EEF1D: variants seen among roughly 807,000 people sequenced by gnomAD.
EEF1D encodes the protein elongation factor 1-delta.
In EEF1D, 47 loss-of-function variants were observed where a neutral mutation model predicts 63.9. The ratio of observed to expected loss-of-function variants is 0.74; its 90% CI spans 0.58 to 0.94. EEF1D has a LOEUF of 0.94. Among genes scored for constraint, EEF1D ranks in the 40% least tolerant of loss-of-function variants. The pLI, the probability that EEF1D is intolerant of heterozygous loss-of-function variation, is 0.00. For synonymous variants in EEF1D, 412 were observed against 386.1 expected (o/e 1.07, Z -0.79); for missense variants, 907 against 899.0 (o/e 1.01, Z -0.11).
In EEF1D at chr8:143,590,045, C is replaced by A. The variant is rs146141808; in HGVS notation, c.37G>T (p.Val13Leu). 1.3e-6 allele frequency: 2 copies of A among 1,598,976 alleles called. No individual in the cohort carries two copies. The highest frequency in any genetic ancestry group is 1.7e-4 in the Middle Eastern group (1 of 6,060). ...SGKASCTLET[V>L]WEDKHKYEEA... ...TCATACTTGTGCTTGTCTTCCCACA[C>A]GGTCTCCAGGGTGCAGGAGGCCTTC... is the stretch of plus-strand genomic sequence containing the variant. The change falls in exon 3 of 10, where the codon GTG becomes TTG. Residue 13 changes from valine to leucine, a missense_variant. Physicochemically the swap from Val to Leu is conservative, Grantham distance 32. Coordinates refer to ENST00000618139, the MANE Select transcript of EEF1D (RefSeq NM_001130053.5).
intron 3 of EEF1D, chr8:143,587,186 T>C: frequency 5.2e-6 from 1 of 193,536 alleles, no homozygotes; most frequent in African/African-American, 2.3e-5. Context: ...ACCCGAGAGA[T>C]TTGCAAAAAC....
At chr8:143,580,381 A>C (rs938815830) in intron 8 of EEF1D, 125 bp downstream of exon 8, 1 of 1,308,850 alleles carries the variant, frequency 7.6e-7, no homozygotes, top group South Asian at 1.4e-5. Context: ...TTATCCCAAG[A>C]CTTCTAAACT....
rs564978810 is a variant in EEF1D at position 143,581,214 on chromosome 8, G to A, written c.1387+15C>T. ...GGGCCAGGGACAGCCCCAACCCACT[G>A]GCCCGGGGCCTCACCGCCACGCAGA... On this transcript the variant is annotated intron_variant, in intron 6 of 9. Transcript: ENST00000618139. The A allele has an allele frequency of 8.7e-6, 14 of 1,612,820 alleles. No individual in the cohort carries two copies. The Middle Eastern group carries it at 1.5e-3, about 172-fold the overall frequency.
chr8:143,586,141 AC>A (rs1439804782), intron 5 of EEF1D, 77 bp downstream of exon 5: 1 of 1,400,794 alleles, frequency 7.1e-7, no homozygotes, highest in East Asian at 2.4e-5. Context: ...AGCCAAAACA[AC>A]CAGCAGCATC....
chr8:143,590,461 A>C, intron 2 of EEF1D: 1 of 972,516 alleles, frequency 1.0e-6, no homozygotes, highest in Non-Finnish European at 1.4e-6. Context: ...ATAAGCTTTA[A>C]CTGGCTAACT....
chr8:143,581,334 A>T lies in EEF1D; in HGVS notation c.1288-6T>A, dbSNP rs1176023158. ...GAGGCCCCGGGGCCTGAGCTCTGCA[A>T]GGCAGGAGGAGGGGAGGGCTCAGTG... On this transcript the variant is annotated splice_polypyrimidine_tract_variant and splice_region_variant and intron_variant, in intron 5 of 9. Coordinates refer to ENST00000618139, the MANE Select transcript of EEF1D (RefSeq NM_001130053.5). 1.2e-6 allele frequency: 2 copies of T among 1,608,724 alleles called. No homozygotes were observed. Among genetic ancestry groups the T allele is most frequent in the Non-Finnish European group, 1.7e-6 (2 of 1,178,934 alleles).
intron 3 of EEF1D, 27 bp downstream of exon 3, chr8:143,588,964 G>C: frequency 6.3e-7 from 1 of 1,584,356 alleles, no homozygotes; most frequent in South Asian, 1.1e-5. Flanking sequence ...GCCCAGGCTG[G>C]GTGCCCACCC....
Position 143,589,313 on chromosome 8 carries a change from C to G in EEF1D, c.769G>C (p.Gly257Arg), listed in dbSNP as rs1193211909. The change falls in exon 3 of 10, where the codon GGG becomes CGG. Residue 257 changes from glycine to arginine, a missense_variant. Transcript: ENST00000618139. ...GCTCGCTCTTGCAGGCGCACCTTCC[C>G]TGGGGGATGGCCGTCAAACAGGGCC... The part of the protein sequence containing the change: ...YEALFDGHPP[G>R]KVRLQERAGL... 6.3e-7 allele frequency: 1 copy of G among 1,587,314 alleles called. No homozygotes were observed. Among genetic ancestry groups the G allele is most frequent in the Non-Finnish European group, 8.6e-7 (1 of 1,166,236 alleles).
At chr8:143,587,061 A>G in intron 3 of EEF1D, 1 of 562,792 alleles carries the variant, frequency 1.8e-6, no homozygotes, top group East Asian at 3.4e-5. Flanking sequence ...GTGGTCCGAG[A>G]ACCTCTGAGG....
intron 1 of EEF1D, among the ~76,000 whole-genome samples, chr8:143,595,290 C>T (rs1279066531): frequency 6.6e-6 from 1 of 152,162 alleles, no homozygotes; most frequent in Non-Finnish European, 1.5e-5. Context: ...AGGCTGGTCT[C>T]GAACTCCTGA....
In EEF1D at chr8:143,589,694, C is replaced by A; in HGVS notation, c.388G>T (p.Ala130Ser). The A allele has an allele frequency of 6.5e-7, 1 of 1,528,048 alleles. No homozygotes were observed. The highest frequency in any genetic ancestry group is 8.8e-7 in the Non-Finnish European group (1 of 1,137,102). The allele number at this position is 1,528,048 out of a possible 1,614,324, so 94.7% of individuals were successfully genotyped here. The change falls in exon 3 of 10, where the codon GCA becomes TCA. Residue 130 changes from alanine to serine, a missense_variant. Ala to Ser is a moderately conservative substitution (Grantham distance 99, BLOSUM62 1). Coordinates refer to ENST00000618139, the MANE Select transcript of EEF1D (RefSeq NM_001130053.5). The part of the protein sequence containing the change: ...QAESSYRQKL[A>S]DVAAQAAWPP... ...CAGGCTGCCTGGGCAGCCACATCTG[C>A]CAGCTTCTGGCGGTAGGAGCTCTCT... is the stretch of plus-strand genomic sequence containing the variant.
At position 143,589,046 on chromosome 8, in the gene EEF1D, G is replaced by T; in HGVS notation, c.1036C>A (p.Leu346Met). Reference sequence around the variant, plus strand: ...GACCGAGGACCGGGTCGGTGAGACAGGGAGGCAGCTTCGAGGCACCAGGCC... The same window carrying T: ...GACCGAGGACCGGGTCGGTGAGACATGGAGGCAGCTTCGAGGCACCAGGCC... Reference protein sequence around the residue: ...RVAWCLEAASLSHRPGPRSGL... With the variant: ...RVAWCLEAASMSHRPGPRSGL... Residue 346 changes from leucine (L) to methionine (M), a missense_variant, in exon 3 of 10, where the codon CTG becomes ATG. Coordinates refer to ENST00000618139, the MANE Select transcript of EEF1D (RefSeq NM_001130053.5). The T allele has an allele frequency of 6.2e-7, 1 of 1,605,838 alleles. No homozygotes were observed.
chr8:143,585,453 G>T (rs892096851), intron 5 of EEF1D, among the ~76,000 whole-genome samples: 1 of 152,186 alleles, frequency 6.6e-6, no homozygotes, highest in Admixed American at 6.5e-5. Flanking sequence ...GGACAGCCTC[G>T]TGAGACACAT....
At chr8:143,596,354 C>T (rs1424154272) in intron 1 of EEF1D, 3 of 152,316 alleles carry the variant, frequency 2.0e-5, no homozygotes, top group Admixed American at 6.5e-5. Context: ...TGAGCGTCTA[C>T]TTCCTCAGAG....
intron 5 of EEF1D, among the ~76,000 whole-genome samples, chr8:143,584,764 GGGGGGGACCAT>G (rs1298306028): frequency 1.3e-5 from 2 of 151,754 alleles, no homozygotes; most frequent in Non-Finnish European, 2.9e-5. Flanking sequence ...AAATGACAGC[GGGGGGGACCAT>G]GGGCCACACA....
chr8:143,585,828 G>A (rs1040736191), intron 5 of EEF1D, among the ~76,000 whole-genome samples: 1 of 152,210 alleles, frequency 6.6e-6, no homozygotes, highest in Admixed American at 6.5e-5. Flanking sequence ...TCTCTCCCCA[G>A]TGAGGCAAGA....
chr8:143,585,399 C>T (rs1289694268), intron 5 of EEF1D, among the ~76,000 whole-genome samples: 2 of 152,192 alleles, frequency 1.3e-5, no homozygotes, highest in East Asian at 1.9e-4. Context: ...AAGGAACAGA[C>T]TCCTCCTGAG....
At chr8:143,581,359 G>A (rs1825523241) in intron 5 of EEF1D, 31 bp from the exon 6 acceptor site, 1 of 1,586,788 alleles carries the variant, frequency 6.3e-7, no homozygotes, top group Non-Finnish European at 8.6e-7. Flanking sequence ...AGGGCTCAGT[G>A]CCCAGCCTGC....
At chr8:143,592,824 G>T in intron 1 of EEF1D, 164 bp from the exon 2 acceptor site, 1 of 412,236 alleles carries the variant, frequency 2.4e-6, no homozygotes, top group Non-Finnish European at 3.3e-6. Context: ...CTGAGCGCCA[G>T]ACAGACCCGC....
Sources: gnomAD v4.1 joint callset for allele counts (sites outside exome capture counted in the v4.1 genomes callset) on GRCh38, gnomAD v4.1.1 for gene constraint, MANE v1.5 for transcripts, NCBI Gene and HGNC (gene_info 2026-07-23, HGNC 2026-07-21) for gene names.